Variants in ZC2HC1A observed in about 807,000 individuals in gnomAD.
The protein encoded by ZC2HC1A is zinc finger C2HC-type containing 1A.
In ZC2HC1A, 28 loss-of-function variants were observed where a neutral mutation model predicts 40.7. That is an observed-to-expected ratio of 0.69 (90% CI 0.51 to 0.94). The LOEUF (loss-of-function observed/expected upper bound fraction) is 0.94, where lower values mean the gene tolerates loss of function less well. Among genes scored for constraint, ZC2HC1A ranks in the 40% least tolerant of loss-of-function variants. ZC2HC1A has a pLI of 0.00. For missense variants in ZC2HC1A, 389 were observed against 386.3 expected (o/e 1.01, Z -0.06); for synonymous variants, 129 against 129.2 (o/e 1.00, Z 0.01).
intron 7 of ZC2HC1A, 132 bp downstream of exon 7, chr8:78,698,645 C>T (rs950928062): frequency 2.0e-5 from 12 of 586,776 alleles, no homozygotes; most frequent in African/African-American, 5.8e-5. Flanking sequence ...TTTTGCTGGT[C>T]AGGAGCACAC....
In ZC2HC1A at chr8:78,718,136, A is replaced by T. The variant is rs1382872351; in HGVS notation, c.*643A>T. On this transcript the variant is annotated 3_prime_UTR_variant, in exon 9 of 9. Transcript: ENST00000263849. ...ATTATGCAATTTCCTTTTCAAATACACAAGACTAAAAATACAAATCTATCT... is the reference window on the plus strand; with the variant it reads ...ATTATGCAATTTCCTTTTCAAATACTCAAGACTAAAAATACAAATCTATCT... 1 of 152,068 alleles carries T rather than the reference A, an allele frequency of 6.6e-6. No homozygotes were observed. Among genetic ancestry groups the T allele is most frequent in the Non-Finnish European group, 1.5e-5 (1 of 67,922 alleles). 9.4% of individuals were successfully genotyped at this position (152,068 alleles called of 1,614,324 possible). A position where few individuals can be genotyped will look rare whatever the true frequency, so the allele number is the denominator to read the frequency against.
intron 5 of ZC2HC1A, among the ~76,000 whole-genome samples, chr8:78,690,579 TG>T (rs1810177964): frequency 6.6e-6 from 1 of 151,806 alleles, no homozygotes; most frequent in Non-Finnish European, 1.5e-5. Context: ...AAAAAAACTT[TG>T]GCCATTCTTG....
At chr8:78,695,969 A>T (rs1302280650) in intron 5 of ZC2HC1A, among the ~76,000 whole-genome samples, 1 of 152,134 alleles carries the variant, frequency 6.6e-6, no homozygotes, top group Non-Finnish European at 1.5e-5. Flanking sequence ...GTGCATCTTA[A>T]ATTTTATATT....
intron 7 of ZC2HC1A, among the ~76,000 whole-genome samples, chr8:78,705,278 G>T (rs1810734149): frequency 6.6e-6 from 1 of 152,156 alleles, no homozygotes. Flanking sequence ...CTTTGAGGCT[G>T]CTTACCTTTG....
chr8:78,690,116 T>C (rs1344448576), intron 5 of ZC2HC1A, among the ~76,000 whole-genome samples: 1 of 152,240 alleles, frequency 6.6e-6, no homozygotes, highest in African/African-American at 2.4e-5. Flanking sequence ...AATATAAATG[T>C]ATGGGTTTAT....
At chr8:78,692,512 A>G (rs1223207205) in intron 5 of ZC2HC1A, among the ~76,000 whole-genome samples, 1 of 152,162 alleles carries the variant, frequency 6.6e-6, no homozygotes, top group Non-Finnish European at 1.5e-5. Context: ...GGTAGGTAAT[A>G]TATAACAATT....
rs1017562178 is a variant in ZC2HC1A at position 78,676,139 on chromosome 8, C to A, written c.93+276C>A. On this transcript the variant is annotated intron_variant, in intron 2 of 8. Transcript: ENST00000263849. ...AACAAACAAAATAAAAAAAAAAAAA[C>A]AAAATCAGATACCTTAGAAATAAGT... 2.9e-3 allele frequency: 666 copies of A among 230,196 alleles called. 4 individuals are homozygous for A. The highest frequency in any genetic ancestry group is 4.1e-3 in the Admixed American group (71 of 17,258). 14.3% of individuals were successfully genotyped at this position (230,196 alleles called of 1,614,324 possible).
intron 7 of ZC2HC1A, among the ~76,000 whole-genome samples, chr8:78,698,873 C>G (rs1054094395): frequency 9.2e-5 from 14 of 152,226 alleles, no homozygotes; most frequent in African/African-American, 3.1e-4. Context: ...TTTGTTAAAA[C>G]CACTTCATAA....
chr8:78,678,318 A>G (rs115261592), intron 2 of ZC2HC1A, among the ~76,000 whole-genome samples: 91 of 152,292 alleles, frequency 6.0e-4, no homozygotes, highest in Middle Eastern at 3.4e-3. Flanking sequence ...AAATAACTTA[A>G]TGACATGTTA....
intron 5 of ZC2HC1A, 131 bp downstream of exon 5, chr8:78,689,504 A>G (rs1810139772): frequency 7.4e-6 from 6 of 810,558 alleles, no homozygotes; most frequent in African/African-American, 5.4e-5. Context: ...AGTTTTATAT[A>G]TCTATAAAAG....
chr8:78,676,706 AAAT>A (rs1809591129), intron 2 of ZC2HC1A, among the ~76,000 whole-genome samples: 1 of 152,042 alleles, frequency 6.6e-6, no homozygotes, highest in South Asian at 2.1e-4. Flanking sequence ...GGCACCTTTT[AAAT>A]AATGATGGCT....
intron 5 of ZC2HC1A, among the ~76,000 whole-genome samples, chr8:78,691,448 C>T (rs1810208156): frequency 1.3e-5 from 2 of 151,864 alleles, no homozygotes; most frequent in African/African-American, 4.8e-5. Context: ...ATGCTCACTT[C>T]TTTTCTCTCT....
chr8:78,683,152 C>T (rs968064038), intron 3 of ZC2HC1A, among the ~76,000 whole-genome samples: 11 of 152,044 alleles, frequency 7.2e-5, no homozygotes, highest in Non-Finnish European at 1.0e-4. Context: ...ACAATGCAAC[C>T]TGTCGGTGGA....
intron 7 of ZC2HC1A, among the ~76,000 whole-genome samples, chr8:78,707,555 G>T (rs1810812618): frequency 6.6e-6 from 1 of 152,196 alleles, no homozygotes; most frequent in South Asian, 2.1e-4. Context: ...AACAAGCAGA[G>T]ATTTTGAGTA....
intron 3 of ZC2HC1A, among the ~76,000 whole-genome samples, chr8:78,684,043 T>G (rs1184794279): frequency 6.6e-6 from 1 of 152,146 alleles, no homozygotes; most frequent in Non-Finnish European, 1.5e-5. Flanking sequence ...TTCAACAAGT[T>G]TCTAGGAAGT....
chr8:78,712,135 T>C lies in ZC2HC1A; in HGVS notation c.705-3086T>C, dbSNP rs1344069379. 1.8e-5 allele frequency: 22 copies of C among 1,221,424 alleles called. No homozygotes were observed. In the East Asian group the frequency reaches 1.2e-3, roughly 66 times the overall value. The allele number at this position is 1,221,424 out of a possible 1,614,324, so 75.7% of individuals were successfully genotyped here. On this transcript the variant is annotated intron_variant, in intron 7 of 8. Transcript: ENST00000263849. ...AGTATTTGTAACTCAGTTTGGTTAA[T>C]ATTTTTCAGATATTTCCTTAAAAGC...
chr8:78,671,907 A>G (rs1809446101), intron 1 of ZC2HC1A, among the ~76,000 whole-genome samples: 1 of 152,194 alleles, frequency 6.6e-6, no homozygotes, highest in South Asian at 2.1e-4. Context: ...TTTTCTTGCT[A>G]ATGTAGTCTT....
At chr8:78,710,976 A>G (rs1810933190) in intron 7 of ZC2HC1A, among the ~76,000 whole-genome samples, 1 of 152,116 alleles carries the variant, frequency 6.6e-6, no homozygotes, top group Admixed American at 6.5e-5. Context: ...TTCTTTTCAG[A>G]CACTAAACTC....
intron 7 of ZC2HC1A, among the ~76,000 whole-genome samples, chr8:78,700,310 G>T (rs941074658): frequency 6.6e-6 from 1 of 151,930 alleles, no homozygotes; most frequent in African/African-American, 2.4e-5. Context: ...TTTTTAATGG[G>T]ATTGTTTGTT....
Sources: allele counts gnomAD v4.1 joint callset (sites outside exome capture counted in the v4.1 genomes callset), GRCh38; gene constraint gnomAD v4.1.1; transcripts MANE v1.5; gene names NCBI Gene and HGNC (gene_info 2026-07-23, HGNC 2026-07-21).